CCNH: variants seen among roughly 807,000 people sequenced by gnomAD.
The protein encoded by CCNH is cyclin H, also known as cyclin-H.
Under a neutral mutation model 41.9 loss-of-function variants are expected in CCNH, and 31 were observed. The ratio of observed to expected loss-of-function variants is 0.74; its 90% CI spans 0.56 to 1.00. The LOEUF is 1.00. Ranked by LOEUF, CCNH falls within the 50% of genes least tolerant of loss-of-function variation. The pLI is 0.00. For synonymous variants in CCNH, 138 were observed against 136.1 expected (o/e 1.01, Z -0.10); for missense variants, 362 against 388.4 (o/e 0.93, Z 0.57).
intron 1 of CCNH, 92 bp downstream of exon 1, chr5:87,412,586 C>T: frequency 6.6e-7 from 1 of 1,525,832 alleles, no homozygotes. Flanking sequence ...AGAGAAACGA[C>T]GGAGCGAGAT....
At chr5:87,355,473 G>A (rs1759583680) in intron 9 of CCNH, among the ~76,000 whole-genome samples, 1 of 152,144 alleles carries the variant, frequency 6.6e-6, no homozygotes, top group African/African-American at 2.4e-5. Flanking sequence ...GGCCACTGTT[G>A]AAACCTACTG....
downstream of CCNH, among the ~76,000 whole-genome samples, chr5:87,389,735 C>T (rs924980229): frequency 2.0e-5 from 3 of 152,174 alleles, no homozygotes; most frequent in African/African-American, 4.8e-5. Context: ...TCAGGTTTTG[C>T]TCTTGAGTCT....
chr5:87,392,449 T>C (rs185178784), downstream of CCNH: 3 of 428,602 alleles, frequency 7.0e-6, no homozygotes, highest in Admixed American at 5.3e-5. Context: ...TTCCATTCTC[T>C]CCCTTCTTGG....
chr5:87,390,868 C>G (rs530678098), downstream of CCNH: 1 of 1,612,054 alleles, frequency 6.2e-7, no homozygotes, highest in African/African-American at 1.3e-5. Context: ...ATACAAAAAC[C>G]AATGATGTCA....
intron 9 of CCNH, among the ~76,000 whole-genome samples, chr5:87,365,202 C>T (rs894714351): frequency 3.9e-5 from 6 of 152,058 alleles, no homozygotes; most frequent in Non-Finnish European, 8.8e-5. Flanking sequence ...CCCTGAGATA[C>T]TAGTGGTTGT....
chr5:87,347,917 A>T (rs1467776303), intron 9 of CCNH, among the ~76,000 whole-genome samples: 1 of 151,962 alleles, frequency 6.6e-6, no homozygotes, highest in African/African-American at 2.4e-5. Context: ...TACAAGGTTG[A>T]AAAGGAGCTA....
In CCNH at chr5:87,349,091, A is replaced by G. The variant is rs1759071726; in HGVS notation, c.*91-30194T>C. 3 of 1,221,814 alleles carry G rather than the reference A, an allele frequency of 2.5e-6. No individual in the cohort carries two copies. The Admixed American group carries it at 7.0e-5, about 29-fold the overall frequency. The allele number at this position is 1,221,814 out of a possible 1,614,324, so 75.7% of individuals were successfully genotyped here. On this transcript the variant is annotated intron_variant and NMD_transcript_variant, in intron 9 of 9. Coordinates refer to the CCNH transcript ENST00000645953. The stretch of plus-strand genomic sequence containing the variant: ...TGAAAGAAATTATCTTAAAAAAAAA[A>G]CAAGTTCCTGGTGAAAATTTACATA...
chr5:87,326,012 C>T (rs1015696712), intron 9 of CCNH, among the ~76,000 whole-genome samples: 1 of 152,068 alleles, frequency 6.6e-6, no homozygotes, highest in Admixed American at 6.5e-5. Flanking sequence ...CTCTCTGTTG[C>T]CCAGTCTAGA....
downstream of CCNH, chr5:87,375,013 G>T: frequency 7.0e-7 from 1 of 1,421,786 alleles, no homozygotes; most frequent in Admixed American, 2.3e-5. Context: ...TAAAAAAACA[G>T]AAATGCAAGT....
At chr5:87,377,605 C>T (rs552535012), upstream of CCNH, among the ~76,000 whole-genome samples, 18 of 152,100 alleles carry the variant, frequency 1.2e-4, no homozygotes, top group East Asian at 2.3e-3. Flanking sequence ...CCCAAAGTGC[C>T]GGGGTTACAG....
chr5:87,376,544 A>C (rs1333905681), exon 1 of CCNH: 1 of 1,614,032 alleles, frequency 6.2e-7, no homozygotes, highest in Admixed American at 1.7e-5. Context: ...TGCCAGAAGA[A>C]GAGTACAGTG....
chr5:87,380,404 G>A (rs1228467455), upstream of CCNH: 2 of 1,073,122 alleles, frequency 1.9e-6, no homozygotes, highest in Admixed American at 1.7e-5. Flanking sequence ...TAAAAGGCCA[G>A]TTTTATTGAA....
At chr5:87,331,048 A>G in intron 9 of CCNH, 1 of 1,254,664 alleles carries the variant, frequency 8.0e-7, no homozygotes, top group Non-Finnish European at 1.1e-6. Flanking sequence ...TGGTTGCAGT[A>G]GTGTTTATAT....
In CCNH at chr5:87,397,031, A is replaced by C. The variant is rs190389463; in HGVS notation, c.873-1927T>G. 4.6e-3 allele frequency among the ~76,000 whole-genome samples: 699 copies of C among 152,326 alleles called. 5 individuals carry two copies. Among genetic ancestry groups the C allele is most frequent in the African/African-American group, 0.016 (655 of 41,568 alleles). ...TGTCATGAAAACTAAAGGTAAAATAATTTTGAAGATCAAGGAAAACAAATA... is the reference window on the plus strand; with the variant it reads ...TGTCATGAAAACTAAAGGTAAAATACTTTTGAAGATCAAGGAAAACAAATA... On this transcript the variant is annotated intron_variant, in intron 7 of 8. Transcript: ENST00000256897.
At chr5:87,394,778 T>TA in intron 8 of CCNH, 1 of 1,341,970 alleles carries the variant, frequency 7.5e-7, no homozygotes, top group Non-Finnish European at 9.5e-7. Context: ...CCTTGGAGAA[T>TA]AAGAAAAAAA....
chr5:87,353,183 G>T, intron 9 of CCNH: 1 of 1,610,482 alleles, frequency 6.2e-7, no homozygotes, highest in East Asian at 2.2e-5. Flanking sequence ...GATCACTATC[G>T]AAAAGAACAG....
At position 87,329,893 on chromosome 5, in the gene CCNH, T is replaced by A. The variant is rs544254072; in HGVS notation, c.*91-10996A>T. 2.0e-4 allele frequency among the ~76,000 whole-genome samples: 30 copies of A among 152,302 alleles called. No individual in the cohort carries two copies. The South Asian group carries it at 6.2e-3, about 32-fold the overall frequency. On this transcript the variant is annotated intron_variant and NMD_transcript_variant, in intron 9 of 9. Coordinates refer to the CCNH transcript ENST00000645953. ...TTAAATTATAGTTCCTTAGGGTTCA[T>A]TTACGATCTCTGGTGTAAACTTTCC...
chr5:87,353,315 G>C, intron 9 of CCNH: 1 of 1,125,710 alleles, frequency 8.9e-7, no homozygotes, highest in South Asian at 1.3e-5. Flanking sequence ...GCACACATTT[G>C]TACAATTCAA....
rs749211504 is a variant in CCNH, at chr5:87,412,804, G to C, written c.-10C>G. 1 of 1,613,764 alleles carries C rather than the reference G, an allele frequency of 6.2e-7. No homozygotes were observed. Among genetic ancestry groups the C allele is most frequent in the Non-Finnish European group, 8.5e-7 (1 of 1,179,760 alleles). ...TACTGTTGTGGTACATTATGGAATC[G>C]TGACCAGGTCCAGAGGGTCTGCAGA... On this transcript the variant is annotated 5_prime_UTR_variant, in exon 1 of 9. Coordinates refer to ENST00000256897, the MANE Select transcript of CCNH (RefSeq NM_001239.4).
Sources: gnomAD v4.1 joint callset for allele counts (sites outside exome capture counted in the v4.1 genomes callset) on GRCh38, gnomAD v4.1.1 for gene constraint, MANE v1.5 for transcripts, NCBI Gene and HGNC (gene_info 2026-07-23, HGNC 2026-07-21) for gene names.